Variants in NCEH1 observed in about 807,000 individuals in gnomAD.
NCEH1 encodes the protein neutral cholesterol ester hydrolase 1, also known as 2-acetyl MAGE hydrolase.
A neutral mutation model predicts 25.4 loss-of-function variants in NCEH1; 9 were observed. The observed-to-expected ratio is 0.35, with a 90% CI of 0.21 to 0.62. The LOEUF is 0.62. Among genes scored for constraint, NCEH1 ranks in the 20% least tolerant of loss-of-function variants. NCEH1 has a pLI of 0.72. For synonymous variants in NCEH1, 200 were observed against 199.8 expected (o/e 1.00, Z -0.01); for missense variants, 412 against 501.1 (o/e 0.82, Z 1.70).
At position 172,669,471 on chromosome 3, in the gene NCEH1, G is replaced by A. The variant is rs1718382729; in HGVS notation, c.139-21357C>T. On this transcript the variant is annotated intron_variant, in intron 1 of 4. Transcript: ENST00000475381. ...TAGGAAACTAGAAGGAATGTTTTGT[G>A]GATGTAGTTTTCCTAAAGGTCATGC... Among the ~76,000 whole-genome samples, 10 of 152,194 alleles carry A rather than the reference G, an allele frequency of 6.6e-5. No homozygotes were observed. In the South Asian group the frequency reaches 2.1e-3, roughly 31 times the overall value.
intron 1 of NCEH1, chr3:172,680,995 A>G (rs1362095543): frequency 7.9e-5 from 2 of 25,320 alleles, no homozygotes; most frequent in Non-Finnish European, 1.2e-4. Context: ...CAGCCTCTAG[A>G]AAAAAAAAAA....
intron 2 of NCEH1, among the ~76,000 whole-genome samples, 177 bp downstream of exon 2, chr3:172,647,708 GA>G (rs1717184549): frequency 6.6e-6 from 1 of 152,174 alleles, no homozygotes; most frequent in South Asian, 2.1e-4. Flanking sequence ...GGACCCTTTT[GA>G]GAGTGAAAAG....
intron 1 of NCEH1, among the ~76,000 whole-genome samples, chr3:172,687,088 A>G: frequency 6.6e-6 from 1 of 152,194 alleles, no homozygotes; most frequent in Non-Finnish European, 1.5e-5. Context: ...AGAAGCTTTC[A>G]CTGATGAGAG....
chr3:172,653,818 G>A (rs1214067100), intron 1 of NCEH1, among the ~76,000 whole-genome samples: 8 of 147,360 alleles, frequency 5.4e-5, no homozygotes, highest in African/African-American at 1.0e-4. Context: ...GTGCAATGGC[G>A]CGATCTTGGC....
intron 3 of NCEH1, among the ~76,000 whole-genome samples, chr3:172,639,051 A>G (rs1716729551): frequency 6.6e-6 from 1 of 152,134 alleles, no homozygotes; most frequent in Non-Finnish European, 1.5e-5. Flanking sequence ...GTGTAATTCC[A>G]GCACCTGGGG....
At chr3:172,659,180 T>A (rs1185033955) in intron 1 of NCEH1, among the ~76,000 whole-genome samples, 3 of 152,126 alleles carry the variant, frequency 2.0e-5, no homozygotes, top group African/African-American at 7.2e-5. Flanking sequence ...GGAAAAATTA[T>A]AGAAGTTATA....
intron 1 of NCEH1, among the ~76,000 whole-genome samples, chr3:172,706,983 G>T (rs544434447): frequency 6.6e-6 from 1 of 151,906 alleles, no homozygotes; most frequent in Non-Finnish European, 1.5e-5. Flanking sequence ...TATAGCTAGA[G>T]GTTTGCCTAT....
chr3:172,694,404 G>A (rs945037206), intron 1 of NCEH1, among the ~76,000 whole-genome samples: 2 of 152,170 alleles, frequency 1.3e-5, no homozygotes. Context: ...CTGTGTGTGT[G>A]TGTGTGTGTG....
At chr3:172,667,398 C>T (rs1302736380) in intron 1 of NCEH1, among the ~76,000 whole-genome samples, 1 of 152,232 alleles carries the variant, frequency 6.6e-6, no homozygotes, top group African/African-American at 2.4e-5. Flanking sequence ...AAAGACGACA[C>T]AGTCTCTCTG....
At chr3:172,708,727 T>G (rs908505977) in intron 1 of NCEH1, among the ~76,000 whole-genome samples, 2 of 152,194 alleles carry the variant, frequency 1.3e-5, no homozygotes, top group African/African-American at 4.8e-5. Flanking sequence ...TACATTTATT[T>G]TATTGCTTCA....
chr3:172,634,435 C>T (rs185304354), intron 4 of NCEH1, among the ~76,000 whole-genome samples: 15 of 152,110 alleles, frequency 9.9e-5, no homozygotes, highest in Admixed American at 6.5e-4. Flanking sequence ...CCTACAAAAC[C>T]CCCAAAAAGG....
chr3:172,643,682 C>T (rs1379553132), intron 3 of NCEH1, among the ~76,000 whole-genome samples: 3 of 152,144 alleles, frequency 2.0e-5, no homozygotes, highest in Admixed American at 6.5e-5. Flanking sequence ...AATGGAGGAA[C>T]GGTTTAGGGC....
At chr3:172,697,234 A>G (rs904063204) in intron 1 of NCEH1, among the ~76,000 whole-genome samples, 2 of 151,936 alleles carry the variant, frequency 1.3e-5, no homozygotes, top group Non-Finnish European at 2.9e-5. Context: ...CGGCCAATAT[A>G]TATCTTTAAA....
intron 1 of NCEH1, among the ~76,000 whole-genome samples, chr3:172,680,291 T>G (rs1288774846): frequency 2.0e-5 from 3 of 152,150 alleles, no homozygotes; most frequent in Non-Finnish European, 4.4e-5. Flanking sequence ...ATGACGAAAC[T>G]CAGGTAGAAC....
In NCEH1 at chr3:172,630,909, T is replaced by A. The variant is rs965933671; in HGVS notation, c.*2566A>T. ...TAAAACATTAATTTATACTTCACTA[T>A]ACAGCACTTCAAGGTTTTTCTTTAT... On this transcript the variant is annotated 3_prime_UTR_variant, in exon 5 of 5. Transcript: ENST00000475381. The A allele has an allele frequency of 1.3e-5, 2 of 152,082 alleles. No homozygotes were observed. Among genetic ancestry groups the A allele is most frequent in the African/African-American group, 4.8e-5 (2 of 41,418 alleles). 9.4% of individuals were successfully genotyped at this position (152,082 alleles called of 1,614,324 possible).
At chr3:172,697,039 C>T (rs1051830141) in intron 1 of NCEH1, among the ~76,000 whole-genome samples, 2 of 151,966 alleles carry the variant, frequency 1.3e-5, no homozygotes, top group African/African-American at 4.8e-5. Flanking sequence ...GATTCTCATG[C>T]CTCAGCCTCC....
chr3:172,651,881 A>T (rs1035648624), intron 1 of NCEH1, among the ~76,000 whole-genome samples: 1 of 152,204 alleles, frequency 6.6e-6, no homozygotes, highest in African/African-American at 2.4e-5. Context: ...AAAAATAGGC[A>T]TTGATTTAGA....
chr3:172,674,760 C>T (rs1453321955), intron 1 of NCEH1, among the ~76,000 whole-genome samples: 1 of 152,156 alleles, frequency 6.6e-6, no homozygotes, highest in African/African-American at 2.4e-5. Context: ...CTGTGGCACC[C>T]ACAATGTGGA....
In NCEH1 at chr3:172,702,167, G is replaced by A. The variant is rs114600834; in HGVS notation, c.138+8680C>T. On this transcript the variant is annotated intron_variant, in intron 1 of 4. Transcript: ENST00000475381. ...CCTCGTATAAACGGTGTCATCTTAA[G>A]CAAGTCACTTTTCTTTGCATTTCGG... Among the ~76,000 whole-genome samples, 598 of 152,270 alleles carry A rather than the reference G, an allele frequency of 3.9e-3. 3 individuals are homozygous for A. The highest frequency in any genetic ancestry group is 0.014 in the African/African-American group (570 of 41,528).
Sources: allele counts gnomAD v4.1 joint callset (sites outside exome capture counted in the v4.1 genomes callset), GRCh38; gene constraint gnomAD v4.1.1; transcripts MANE v1.5; gene names NCBI Gene and HGNC (gene_info 2026-07-23, HGNC 2026-07-21).